The following NLRP11 variants were observed in gnomAD, a reference collection of about 807,000 sequenced individuals.
NLRP11 encodes the protein NACHT, LRR and PYD domains-containing protein 11.
NLRP11 carries 53 observed loss-of-function variants against 79.3 expected under a neutral mutation model. That is an observed-to-expected ratio of 0.67 (90% CI 0.54 to 0.84). The LOEUF is 0.84. Among genes scored for constraint, NLRP11 ranks in the 40% least tolerant of loss-of-function variants. The pLI is 0.00. For synonymous variants in NLRP11, 518 were observed against 462.6 expected, an observed-to-expected ratio of 1.12 and a Z score of -1.54; for missense variants, 1,264 against 1,255.0, an observed-to-expected ratio of 1.01 and a Z score of -0.11.
intron 1 of NLRP11, among the ~76,000 whole-genome samples, chr19:55,824,923 C>G (rs1301619611): frequency 1.4e-5 from 1 of 72,614 alleles, no homozygotes; most frequent in Non-Finnish European, 2.2e-5. Context: ...TAATAGACAT[C>G]TACAGAACTC....
At chr19:55,835,441 C>T (rs1345106479), upstream of NLRP11, among the ~76,000 whole-genome samples, 2 of 152,270 alleles carry the variant, frequency 1.3e-5, no homozygotes, top group Non-Finnish European at 2.9e-5. Context: ...TGGCTCATGC[C>T]TGTAATCCCA....
intron 4 of NLRP11, among the ~76,000 whole-genome samples, chr19:55,802,581 T>C (rs1979583298): frequency 6.6e-6 from 1 of 151,974 alleles, no homozygotes; most frequent in Non-Finnish European, 1.5e-5. Flanking sequence ...AAAATGGCCA[T>C]ACTGCCCAAA....
chr19:55,823,509 CT>C (rs1982021767), intron 1 of NLRP11, among the ~76,000 whole-genome samples: 1 of 134,396 alleles, frequency 7.4e-6, no homozygotes, highest in African/African-American at 3.0e-5. Flanking sequence ...AAGTTGAAAA[CT>C]TTGAAAAAAA....
At chr19:55,789,469 G>C in intron 7 of NLRP11, 70 bp from the exon 8 acceptor site, 1 of 1,420,614 alleles carries the variant, frequency 7.0e-7, no homozygotes, top group Non-Finnish European at 9.7e-7. Flanking sequence ...AGAGTGTTAA[G>C]CATTCTTGGA....
At chr19:55,824,549 A>G (rs1240584632) in intron 1 of NLRP11, among the ~76,000 whole-genome samples, 1 of 132,028 alleles carries the variant, frequency 7.6e-6, no homozygotes, top group Non-Finnish European at 1.5e-5. Flanking sequence ...CATAGGCTCA[A>G]AATAAAAGGA....
chr19:55,818,105 G>T, exon 2 of NLRP11: 1 of 1,613,992 alleles, frequency 6.2e-7, no homozygotes, highest in Non-Finnish European at 8.5e-7. Flanking sequence ...TTAAAACTCT[G>T]AAATTCCTTG....
upstream of NLRP11, among the ~76,000 whole-genome samples, chr19:55,834,977 T>C (rs1043827715): frequency 1.3e-4 from 20 of 152,250 alleles, no homozygotes; most frequent in African/African-American, 4.8e-4. Flanking sequence ...ACTGGAAATT[T>C]ATTTTGGTGG....
At chr19:55,800,752 C>T (rs528073950) in intron 5 of NLRP11, among the ~76,000 whole-genome samples, 2 of 152,150 alleles carry the variant, frequency 1.3e-5, no homozygotes, top group South Asian at 2.1e-4. Context: ...AAAATGTGCC[C>T]GAGCGGCGAT....
At chr19:55,795,402 A>G (rs529296268) in intron 6 of NLRP11, among the ~76,000 whole-genome samples, 1 of 152,316 alleles carries the variant, frequency 6.6e-6, no homozygotes, top group Admixed American at 6.5e-5. Context: ...TCACGTGTTC[A>G]CTGTGAGAAC....
intron 1 of NLRP11, among the ~76,000 whole-genome samples, chr19:55,822,408 A>G (rs1164365079): frequency 1.3e-5 from 2 of 152,212 alleles, no homozygotes; most frequent in African/African-American, 4.8e-5. Flanking sequence ...TGCAGGGAGG[A>G]GCCAAGATGG....
At chr19:55,812,174 A>G (rs1980667577) in intron 2 of NLRP11, among the ~76,000 whole-genome samples, 1 of 152,234 alleles carries the variant, frequency 6.6e-6, no homozygotes, top group Non-Finnish European at 1.5e-5. Flanking sequence ...TTTTGGAATT[A>G]GGAGGTAATT....
rs1438216742 is a variant in NLRP11, at chr19:55,827,979, C to G, written c.-63+3984G>C. On this transcript the variant is annotated intron_variant, in intron 1 of 9. Coordinates refer to ENST00000589093, the Ensembl canonical transcript of NLRP11. ...GACACATGCACAAGTATGTTTACTG[C>G]GGCATTATTCACAATAGCAAAGACT... 2.6e-5 allele frequency among the ~76,000 whole-genome samples: 4 copies of G among 151,798 alleles called. No individual in the cohort carries two copies. The South Asian group carries it at 8.3e-4, about 32-fold the overall frequency.
chr19:55,800,191 G>A (rs1246715613), intron 5 of NLRP11, among the ~76,000 whole-genome samples: 1 of 152,124 alleles, frequency 6.6e-6, no homozygotes, highest in African/African-American at 2.4e-5. Flanking sequence ...CTAGCAAGTG[G>A]TATTATCCAA....
In NLRP11 at chr19:55,796,767, A is replaced by G. The variant is rs181706233; in HGVS notation, c.2172-517T>C. ...AATGGTGCGATCTCGGCTCACTGCAACCTCTGCCTCCCGGGTTTTTAAGCG... is the reference window on the plus strand; with the variant it reads ...AATGGTGCGATCTCGGCTCACTGCAGCCTCTGCCTCCCGGGTTTTTAAGCG... On this transcript the variant is annotated intron_variant, in intron 5 of 9. Transcript: ENST00000589093. Among the ~76,000 whole-genome samples, 523 of 151,306 alleles carry G rather than the reference A, an allele frequency of 3.5e-3. 4 individuals carry two copies. The highest frequency in any genetic ancestry group is 5.3e-3 in the Non-Finnish European group (361 of 67,870).
At chr19:55,810,937 T>A (rs1334430452) in intron 2 of NLRP11, among the ~76,000 whole-genome samples, 1 of 152,186 alleles carries the variant, frequency 6.6e-6, no homozygotes, top group African/African-American at 2.4e-5. Flanking sequence ...TTTCTTTCCT[T>A]TTTGGGGGTT....
chr19:55,812,800 C>T (rs1980732796), intron 2 of NLRP11, among the ~76,000 whole-genome samples: 1 of 152,120 alleles, frequency 6.6e-6, no homozygotes, highest in Non-Finnish European at 1.5e-5. Context: ...AAACTTAGTT[C>T]AAAACCTTAA....
intron 4 of NLRP11, 41 bp downstream of exon 4, chr19:55,807,811 TC>T (rs745524275): frequency 7.1e-7 from 1 of 1,404,122 alleles, no homozygotes; most frequent in Non-Finnish European, 9.8e-7. Flanking sequence ...CCACCGTTAT[TC>T]CTAGGGGAAC....
chr19:55,799,166 G>C (rs917707473), intron 5 of NLRP11, among the ~76,000 whole-genome samples: 3 of 152,034 alleles, frequency 2.0e-5, no homozygotes, highest in South Asian at 4.2e-4. Context: ...ACTTGGGAGG[G>C]TGAGGCATGA....
intron 1 of NLRP11, among the ~76,000 whole-genome samples, chr19:55,828,532 C>T (rs1600206856): frequency 6.6e-6 from 1 of 152,166 alleles, no homozygotes; most frequent in East Asian, 1.9e-4. Flanking sequence ...AGGAGAGCTG[C>T]TATGTGTGCA....
Sources: gnomAD v4.1 joint callset for allele counts (sites outside exome capture counted in the v4.1 genomes callset) on GRCh38, gnomAD v4.1.1 for gene constraint, MANE v1.5 for transcripts, NCBI Gene and HGNC (gene_info 2026-07-23, HGNC 2026-07-21) for gene names.